The following MUC4 variants were observed in gnomAD, a reference collection of about 807,000 sequenced individuals.
The protein encoded by MUC4 is mucin 4, cell surface associated.
Under a neutral mutation model 257.9 loss-of-function variants are expected in MUC4, and 202 were observed. That is an observed-to-expected ratio of 0.78 (90% CI 0.70 to 0.88). The LOEUF (loss-of-function observed/expected upper bound fraction) is 0.88, where lower values mean the gene tolerates loss of function less well. MUC4 is among the 40% of genes least tolerant of loss of function. The pLI is 0.00. For missense variants in MUC4, 5,976 were observed against 6,513.7 expected (o/e 0.92, Z 2.84); for synonymous variants, 2,351 against 2,757.1 (o/e 0.85, Z 4.62).
At position 195,789,574 on chromosome 3, in the gene MUC4, G is replaced by C. The variant is rs1221487762; in HGVS notation, c.2006C>G (p.Ser669Cys). ...CGAGTGCCCACTGGCTGTGAAGGAA[G>C]AACCTGGGGTGGTGACTGTCTTGGT... ...TDTKTVTTPG[S>C]SFTASGHSPS... The change falls in exon 2 of 25, where the codon TCT (serine) becomes TGT (cysteine). Residue 669 changes from serine (S) to cysteine (C), a missense_variant. Physicochemically the swap from Ser to Cys is moderately radical, Grantham distance 112. Around this residue, in one of 44 missense-constraint regions of MUC4, gnomAD observed 1,583 missense variants for 1,257.4 expected, o/e 1.26. Transcript: ENST00000463781. 2.1e-5 allele frequency: 34 copies of C among 1,613,822 alleles called. No homozygotes were observed. The highest frequency in any genetic ancestry group is 4.0e-5 in the African/African-American group (3 of 74,894).
In MUC4 at chr3:195,780,947, C is replaced by G; in HGVS notation, c.10633G>C (p.Val3545Leu). 3 of 1,495,508 alleles carry G rather than the reference C, an allele frequency of 2.0e-6. No individual in the cohort carries two copies. The highest frequency in any genetic ancestry group is 2.5e-5 in the East Asian group (1 of 40,566). 92.6% of individuals were successfully genotyped at this position (1,495,508 alleles called of 1,614,324 possible). ...TPLPVTSLSS[V>L]STGDTTPLPV... The stretch of plus-strand genomic sequence containing the variant: ...AGAGGGGTGGTGTCACCTGTGGATA[C>G]TGAGGAAAGGCTGGTGACAGGAAGA... Residue 3545 changes from valine (V) to leucine (L), a missense_variant, in exon 2 of 25, where the codon GTA (valine) becomes CTA (leucine). By Grantham distance (32) the Val-to-Leu change is conservative. This residue lies in a region of MUC4 where 297 missense variants were observed against 240.9 expected (regional missense o/e 1.23). Transcript: ENST00000463781.
chr3:195,768,409 C>A (rs1722094588), intron 7 of MUC4, among the ~76,000 whole-genome samples: 1 of 152,202 alleles, frequency 6.6e-6, no homozygotes, highest in Non-Finnish European at 1.5e-5. Flanking sequence ...TTTCAACCGC[C>A]CACAGCCCCG....
At chr3:195,754,910 TG>T (rs151316848) in intron 18 of MUC4, among the ~76,000 whole-genome samples, 95,297 of 137,666 alleles carry the variant, frequency 0.69, 31,259 homozygotes, top group East Asian at 0.8. Flanking sequence ...TGTATGTGTG[TG>T]TCATGCATGT....
intron 1 of MUC4, among the ~76,000 whole-genome samples, chr3:195,807,114 A>G (rs1220217153): frequency 6.6e-6 from 1 of 152,182 alleles, no homozygotes; most frequent in African/African-American, 2.4e-5. Context: ...GTGCAACACA[A>G]ATGCCCAGTT....
chr3:195,778,359 C>G lies in MUC4; in HGVS notation c.12887G>C (p.Ser4296Thr). The G allele has an allele frequency of 6.2e-7, 1 of 1,612,926 alleles. No homozygotes were observed. Among genetic ancestry groups the G allele is most frequent in the Non-Finnish European group, 8.5e-7 (1 of 1,179,852 alleles). Residue 4296 changes from serine to threonine, a missense_variant, in exon 3 of 25, where the codon AGC becomes ACC. Coordinates refer to ENST00000463781, the MANE Select transcript of MUC4 (RefSeq NM_018406.7). ...TGTGGAGCGGGTGTGCATGGCAGTGCTGGGAATGGTGGAAATGATGGTCTG... is the reference window on the plus strand; with the variant it reads ...TGTGGAGCGGGTGTGCATGGCAGTGGTGGGAATGGTGGAAATGATGGTCTG... ...TSQTIISTIP[S>T]TAMHTRSTAA...
At position 195,788,693 on chromosome 3, in the gene MUC4, C is replaced by G. The variant is rs370236800; in HGVS notation, c.2887G>C (p.Gly963Arg). 2.4e-5 allele frequency: 38 copies of G among 1,613,336 alleles called. No homozygotes were observed. In the African/African-American group the frequency reaches 4.3e-4, roughly 18 times the overall value. Residue 963 changes from glycine (G) to arginine (R), a missense_variant, in exon 2 of 25, where the codon GGT becomes CGT. By Grantham distance (125) the Gly-to-Arg change is moderately radical. Around this residue, in one of 44 missense-constraint regions of MUC4, gnomAD observed 1,583 missense variants for 1,257.4 expected, o/e 1.26. Coordinates refer to ENST00000463781, the MANE Select transcript of MUC4 (RefSeq NM_018406.7). ...ETHTLSPSGS[G>R]KTFTTALISN... is the part of the protein sequence containing the mutation. ...ATGAGGGCCGTGGTGAAGGTTTTAC[C>G]AGACCCTGAAGGTGACAGAGTGTGG...
chr3:195,795,578 G>C (rs1419805069), intron 1 of MUC4, among the ~76,000 whole-genome samples: 2 of 152,102 alleles, frequency 1.3e-5, no homozygotes, highest in East Asian at 3.8e-4. Context: ...AATGCCCTTG[G>C]AAATGTGCTG....
In MUC4 at chr3:195,780,724, A is replaced by C; in HGVS notation, c.10856T>G (p.Val3619Gly). ...ASTGDTTRLPVTDTSSASTGQ... is the reference protein window; with the variant it reads ...ASTGDTTRLPGTDTSSASTGQ... The stretch of plus-strand genomic sequence containing the variant: ...TGTGGATGCTGAGGAAGTGTCCGTG[A>C]CAGGAAGACGGGTGGTGTCACCTGT... The change falls in exon 2 of 25, where the codon GTC (valine) becomes GGC (glycine). Residue 3619 changes from valine to glycine, a missense_variant. This residue lies in a region of MUC4 where 59 missense variants were observed against 149.8 expected (regional missense o/e 0.39). Transcript: ENST00000463781. 3 of 1,509,648 alleles carry C rather than the reference A, an allele frequency of 2.0e-6. No homozygotes were observed. The highest frequency in any genetic ancestry group is 2.4e-5 in the South Asian group (2 of 82,720). The allele number at this position is 1,509,648 out of a possible 1,614,324, so 93.5% of individuals were successfully genotyped here.
rs1440328025 is a variant in MUC4, at chr3:195,789,867, C to T, written c.1713G>A (p.Thr571=). The change falls in exon 2 of 25, where the codon ACG becomes ACA. Residue 571 remains threonine, a synonymous_variant. Coordinates refer to ENST00000463781, the MANE Select transcript of MUC4 (RefSeq NM_018406.7). ...TGAGAAGAGCCTCTCCAGTGGTCCC[C>T]GTTTCTTGTGTCCATTGTGTCTGGG... ...AGAQTQWTQE[T]GTTGEALLSS... is the part of the protein sequence containing the mutation. 19 of 1,613,964 alleles carry T rather than the reference C, an allele frequency of 1.2e-5. No homozygotes were observed. Among genetic ancestry groups the T allele is most frequent in the Non-Finnish European group, 1.5e-5 (18 of 1,179,892 alleles).
At chr3:195,802,576 G>A (rs546304543) in intron 1 of MUC4, among the ~76,000 whole-genome samples, 83 of 152,228 alleles carry the variant, frequency 5.5e-4, no homozygotes, top group African/African-American at 1.5e-3. Flanking sequence ...GGGTGTCTGC[G>A]TAGGTCCCGG....
Position 195,753,032 on chromosome 3 carries a change from G to A in MUC4, c.15508+19C>T. 1 of 1,605,260 alleles carries A rather than the reference G, an allele frequency of 6.2e-7. No individual in the cohort carries two copies. Among genetic ancestry groups the A allele is most frequent in the Non-Finnish European group, 8.5e-7 (1 of 1,176,146 alleles). On this transcript the variant is annotated intron_variant, in intron 20 of 24. Coordinates refer to ENST00000463781, the MANE Select transcript of MUC4 (RefSeq NM_018406.7). The stretch of plus-strand genomic sequence containing the variant: ...CCAGGAAGAGTGCGGGGGTGAGAGG[G>A]CGGGGTCTCTGGCGGTACCTAGGTT...
intron 19 of MUC4, chr3:195,753,886 C>T (rs1716980577): frequency 3.1e-6 from 1 of 319,522 alleles, no homozygotes; most frequent in Non-Finnish European, 5.7e-6. Flanking sequence ...GCTGAAGTCT[C>T]CTCCCCAAAC....
rs1324963988 is a variant in MUC4 at position 195,751,198 on chromosome 3, C to T, written c.15647+9G>A. 6.3e-7 allele frequency: 1 copy of T among 1,594,970 alleles called. No homozygotes were observed. Among genetic ancestry groups the T allele is most frequent in the South Asian group, 1.1e-5 (1 of 87,570 alleles). Reference sequence around the variant, plus strand: ...ATCTGGGGGCTTAGGGGGACACAGTCCCACTTACATTCGTTCCACTTGGCT... The same window carrying T: ...ATCTGGGGGCTTAGGGGGACACAGTTCCACTTACATTCGTTCCACTTGGCT... On this transcript the variant is annotated intron_variant, in intron 22 of 24. Coordinates refer to ENST00000463781, the MANE Select transcript of MUC4 (RefSeq NM_018406.7).
Position 195,784,616 on chromosome 3 carries a change from G to T in MUC4, c.6964C>A (p.Pro2322Thr), listed in dbSNP as rs772451302. The T allele has an allele frequency of 7.1e-7, 1 of 1,404,430 alleles. No individual in the cohort carries two copies. Among genetic ancestry groups the T allele is most frequent in the Non-Finnish European group, 9.6e-7 (1 of 1,044,682 alleles). The allele number at this position is 1,404,430 out of a possible 1,614,324, so 87.0% of individuals were successfully genotyped here. A position where few individuals can be genotyped will look rare whatever the true frequency, so the allele number is the denominator to read the frequency against. The stretch of plus-strand genomic sequence containing the variant: ...GATGCTGAGGAAAGGCTGGTGACAG[G>T]AAGAGGGGTGGCGTGACCTGTGGAT... ...SASTGHATPL[P>T]VTSLSSASTG... is the part of the protein sequence containing the mutation. The change falls in exon 2 of 25, where the codon CCT becomes ACT. Residue 2322 changes from proline (P) to threonine (T), a missense_variant. Pro to Thr is a conservative substitution (Grantham distance 38, BLOSUM62 -1). Transcript: ENST00000463781.
In MUC4 at chr3:195,757,643, T is replaced by C. The variant is rs1384566492; in HGVS notation, c.14987-315A>G. On this transcript the variant is annotated intron_variant, in intron 17 of 24. Transcript: ENST00000463781. The surrounding 1 kb of genome is among the most constrained non-coding windows in gnomAD (Gnocchi z 4.8). ...CACCAGGATGGGACATCCTGGGGGATGGAGGATCAAGGCCAGGATCCTCCA... is the reference window on the plus strand; with the variant it reads ...CACCAGGATGGGACATCCTGGGGGACGGAGGATCAAGGCCAGGATCCTCCA... 6.6e-6 allele frequency among the ~76,000 whole-genome samples: 1 copy of C among 152,066 alleles called. No homozygotes were observed. Among genetic ancestry groups the C allele is most frequent in the Non-Finnish European group, 1.5e-5 (1 of 68,010 alleles).
intron 14 of MUC4, 114 bp downstream of exon 14, chr3:195,761,973 C>T (rs1443961260): frequency 3.1e-6 from 4 of 1,271,536 alleles, no homozygotes; most frequent in Non-Finnish European, 2.1e-6. Context: ...AAGGGTTCTG[C>T]TCCAAGGAGG....
Position 195,780,859 on chromosome 3 carries a change from A to C in MUC4, c.10721T>G (p.Leu3574Arg). The C allele has an allele frequency of 1.0e-6, 1 of 997,578 alleles. No homozygotes were observed. Among genetic ancestry groups the C allele is most frequent in the Non-Finnish European group, 1.2e-6 (1 of 825,860 alleles). The allele number at this position is 997,578 out of a possible 1,614,324, so 61.8% of individuals were successfully genotyped here. ...GQATPLPVTS[L>R]SSVSTGDTTP... ...GGTGTCACCTGTGGATACTGAGGAA[A>C]GGCTGGTGACAGGAAGAGGGGTGGC... is the stretch of plus-strand genomic sequence containing the variant. The change falls in exon 2 of 25, where the codon CTT becomes CGT. Residue 3574 changes from leucine (L) to arginine (R), a missense_variant. Physicochemically the swap from Leu to Arg is moderately radical, Grantham distance 102. Around this residue, in one of 44 missense-constraint regions of MUC4, gnomAD observed 59 missense variants for 149.8 expected, o/e 0.39. Coordinates refer to ENST00000463781, the MANE Select transcript of MUC4 (RefSeq NM_018406.7).
Position 195,757,253 on chromosome 3 carries a change from A to C in MUC4, c.15062T>G (p.Ile5021Ser). The change falls in exon 18 of 25, where the codon ATT becomes AGT. Residue 5021 changes from isoleucine (I) to serine (S), a missense_variant. Physicochemically the swap from Ile to Ser is moderately radical, Grantham distance 142 (BLOSUM62 -2). This residue lies in a region of MUC4 where 996 missense variants were observed against 1,137.3 expected (regional missense o/e 0.88). Transcript: ENST00000463781. This position sits in a 1 kb window ranked among gnomAD's most constrained non-coding sequence, Gnocchi z 4.8. ...TLEILARSAK[I>S]GLASALQPRT... ...GGGCTGGAGTGCAGATGCCAAGCCA[A>C]TCTTGGCACTTCTTGCTAGAATCTC... 1 of 1,613,518 alleles carries C rather than the reference A, an allele frequency of 6.2e-7. No individual in the cohort carries two copies.
chr3:195,770,342 G>A lies in MUC4; in HGVS notation c.13272C>T (p.Ser4424=), dbSNP rs139010152. 12 of 1,613,798 alleles carry A rather than the reference G, an allele frequency of 7.4e-6. No homozygotes were observed. The African/African-American group carries it at 1.6e-4, about 22-fold the overall frequency. Residue 4424 remains serine, a synonymous_variant, in exon 6 of 25, where the codon AGC becomes AGT. Transcript: ENST00000463781. ...AAGACTCGGCCTGCTGGACTAGCAG[G>A]CTGTGTTCACCATAGAACGTCTCGT... ...QEYETFYGEH[S]LLVQQAESWI... is the part of the protein sequence containing the mutation.
Sources: allele counts gnomAD v4.1 joint callset (sites outside exome capture counted in the v4.1 genomes callset), GRCh38; gene constraint gnomAD v4.1.1; regional missense constraint gnomAD v4.1.1; non-coding constraint Gnocchi (gnomAD v3.1); transcripts MANE v1.5; gene names NCBI Gene and HGNC (gene_info 2026-07-23, HGNC 2026-07-21).